The following PPM1H variants were observed in gnomAD, a reference collection of about 807,000 sequenced individuals.
The protein encoded by PPM1H is protein phosphatase 1H.
PPM1H carries 27 observed loss-of-function variants against 54.9 expected under a neutral mutation model. The observed-to-expected ratio is 0.49, with a 90% confidence interval of 0.36 to 0.68. The LOEUF is 0.68. Among genes scored for constraint, PPM1H ranks in the 30% least tolerant of loss-of-function variants. The pLI is 0.00. For synonymous variants in PPM1H, 305 were observed against 270.8 expected, an observed-to-expected ratio of 1.13 and a Z score of -1.24; for missense variants, 596 against 667.8, an observed-to-expected ratio of 0.89 and a Z score of 1.19.
intron 1 of PPM1H, among the ~76,000 whole-genome samples, chr12:62,916,723 G>A (rs1212155649): frequency 6.6e-6 from 1 of 151,996 alleles, no homozygotes; most frequent in Non-Finnish European, 1.5e-5. Flanking sequence ...TGCTGAAGCA[G>A]TTCTGGTATA....
intron 4 of PPM1H, among the ~76,000 whole-genome samples, chr12:62,761,033 T>C (rs2076505681): frequency 6.6e-6 from 1 of 152,152 alleles, no homozygotes; most frequent in Non-Finnish European, 1.5e-5. Flanking sequence ...AGATAAGGAC[T>C]AATCCAGAAA....
At chr12:62,724,011 C>T (rs550274270) in intron 5 of PPM1H, among the ~76,000 whole-genome samples, 5 of 152,180 alleles carry the variant, frequency 3.3e-5, no homozygotes, top group South Asian at 2.1e-4. Flanking sequence ...CATTAAGACC[C>T]GATTCCAGAG....
intron 1 of PPM1H, among the ~76,000 whole-genome samples, chr12:62,927,853 A>G (rs1872022120): frequency 6.6e-6 from 1 of 152,142 alleles, no homozygotes; most frequent in African/African-American, 2.4e-5. Context: ...GTGGCTAATG[A>G]ATTAACAAAC....
chr12:62,737,100 T>C (rs1247335515), intron 5 of PPM1H, among the ~76,000 whole-genome samples: 4 of 152,094 alleles, frequency 2.6e-5, no homozygotes, highest in African/African-American at 4.8e-5. Context: ...GGGCAGATTC[T>C]TCCTCACAAC....
chr12:62,685,879 G>A (rs900813535), intron 8 of PPM1H, among the ~76,000 whole-genome samples: 2 of 150,892 alleles, frequency 1.3e-5, no homozygotes, highest in African/African-American at 2.4e-5. Flanking sequence ...ATATCCCATC[G>A]ATATACATAA....
chr12:62,857,677 C>T (rs1869440011), intron 1 of PPM1H, among the ~76,000 whole-genome samples: 1 of 152,122 alleles, frequency 6.6e-6, no homozygotes, highest in Non-Finnish European at 1.5e-5. Flanking sequence ...TTAAGCCCTT[C>T]ATGCTGAAGC....
rs1463114037 is a variant in PPM1H, at chr12:62,934,541, G to A, written c.196C>T (p.Leu66Phe). ...AGCCGCCGAGTCTCCTTGAGGATGA[G>A]GATGGGGCGGGCGATGTGGTCGGCG... ...CSADHIARPI[L>F]ILKETRRLPW... is the part of the protein sequence containing the mutation. The change falls in exon 1 of 10, where the codon CTC (leucine) becomes TTC (phenylalanine). Residue 66 changes from leucine to phenylalanine, a missense_variant. Transcript: ENST00000228705. This position sits in a 1 kb window ranked among gnomAD's most constrained non-coding sequence, Gnocchi z 4.2. 2.6e-6 allele frequency: 4 copies of A among 1,552,262 alleles called. No homozygotes were observed. The highest frequency in any genetic ancestry group is 2.7e-5 in the African/African-American group (2 of 73,088).
At chr12:62,796,717 C>T (rs1193020490) in intron 3 of PPM1H, among the ~76,000 whole-genome samples, 2 of 152,178 alleles carry the variant, frequency 1.3e-5, no homozygotes, top group East Asian at 3.9e-4. Context: ...ATCAACTCAC[C>T]CTTCAGCCCT....
chr12:62,829,886 CA>C (rs1426528995), intron 2 of PPM1H, among the ~76,000 whole-genome samples: 1 of 152,218 alleles, frequency 6.6e-6, no homozygotes. Context: ...CTTTATATCC[CA>C]GGGGCAGGGG....
chr12:62,692,302 A>G (rs1025134438), intron 7 of PPM1H, among the ~76,000 whole-genome samples: 6 of 152,228 alleles, frequency 3.9e-5, no homozygotes, highest in Non-Finnish European at 7.3e-5. Flanking sequence ...GCCCATCGCA[A>G]GACCATCAAG....
chr12:62,917,316 C>T (rs1355577706), intron 1 of PPM1H, among the ~76,000 whole-genome samples: 1 of 152,234 alleles, frequency 6.6e-6, no homozygotes, highest in African/African-American at 2.4e-5. Context: ...CCTCAGGTCA[C>T]CCACCTACAG....
intron 1 of PPM1H, among the ~76,000 whole-genome samples, chr12:62,846,499 CAA>C (rs34661143): frequency 7.2e-6 from 1 of 138,248 alleles, no homozygotes. Flanking sequence ...GATTCCGCCT[CAA>C]AAAAAAAAAA....
chr12:62,711,134 G>A (rs1043099788), intron 6 of PPM1H, among the ~76,000 whole-genome samples: 4 of 152,132 alleles, frequency 2.6e-5, no homozygotes, highest in Admixed American at 6.5e-5. Flanking sequence ...TGGGACTATA[G>A]GCACGTGCCA....
intron 5 of PPM1H, 126 bp downstream of exon 5, chr12:62,737,376 G>T (rs2076356485): frequency 1.2e-5 from 7 of 571,058 alleles, no homozygotes; most frequent in Admixed American, 3.6e-5. Flanking sequence ...GTGTGGGGGA[G>T]TTAATACCAT....
intron 4 of PPM1H, among the ~76,000 whole-genome samples, chr12:62,750,287 C>T (rs1427377164): frequency 6.6e-6 from 1 of 152,196 alleles, no homozygotes; most frequent in African/African-American, 2.4e-5. Flanking sequence ...CCCATCTCTC[C>T]TTCGTTCTAA....
At chr12:62,874,088 C>A (rs1870081204) in intron 1 of PPM1H, among the ~76,000 whole-genome samples, 2 of 152,164 alleles carry the variant, frequency 1.3e-5, no homozygotes, top group African/African-American at 4.8e-5. Context: ...ATGAGCCCCA[C>A]CCTAGACTGT....
chr12:62,711,990 C>T (rs916861145), intron 6 of PPM1H, among the ~76,000 whole-genome samples: 1 of 152,218 alleles, frequency 6.6e-6, no homozygotes, highest in Non-Finnish European at 1.5e-5. Context: ...CTGCACACAG[C>T]AGGGCCCGCT....
chr12:62,706,296 C>A (rs930261068), intron 6 of PPM1H, among the ~76,000 whole-genome samples: 1 of 152,180 alleles, frequency 6.6e-6, no homozygotes, highest in African/African-American at 2.4e-5. Flanking sequence ...CTTCTGAAAT[C>A]TTCTACTAAC....
rs570408584 is a variant in PPM1H at position 62,726,372 on chromosome 12, A to T, written c.955-6083T>A. Among the ~76,000 whole-genome samples the T allele has an allele frequency of 5.8e-4, 88 of 152,350 alleles. 1 individual carries two copies. Among genetic ancestry groups the T allele is most frequent in the African/African-American group, 1.6e-3 (67 of 41,572 alleles). The stretch of plus-strand genomic sequence containing the variant: ...CACATGTACAGTCATCAAAATATTT[A>T]AAAAAGTTATCTGAGGGTTTTCTTT... On this transcript the variant is annotated intron_variant, in intron 5 of 9. Coordinates refer to ENST00000228705, the MANE Select transcript of PPM1H (RefSeq NM_020700.2).
Sources: gnomAD v4.1 joint callset for allele counts (sites outside exome capture counted in the v4.1 genomes callset) on GRCh38, gnomAD v4.1.1 for gene constraint, Gnocchi (gnomAD v3.1) non-coding constraint, MANE v1.5 for transcripts, NCBI Gene and HGNC (gene_info 2026-07-23, HGNC 2026-07-21) for gene names.